RIMOC1: variants seen among roughly 807,000 people sequenced by gnomAD.
RIMOC1 encodes RAB7A interacting MON1-CCZ1 complex subunit 1.
At chr5:41,907,689 C>A in the RIMOC1 span, 2 of 1,189,270 alleles carry the variant, frequency 1.7e-6, no homozygotes, top group Non-Finnish European at 2.4e-6. Flanking sequence ...GTTTAAATAA[C>A]ACTCTGAAAC....
chr5:41,911,165 A>G, the RIMOC1 span: 1 of 1,602,656 alleles, frequency 6.2e-7, no homozygotes, highest in South Asian at 1.1e-5. Context: ...AAGAAAATCC[A>G]GTTTGCTTAA....
the RIMOC1 span, chr5:41,921,489 A>G: frequency 6.6e-6 from 1 of 151,076 alleles, no homozygotes. Context: ...GCGGTATTAC[A>G]TTAAGATACA....
At chr5:41,912,002 T>C in the RIMOC1 span, 2 of 952,202 alleles carry the variant, frequency 2.1e-6, no homozygotes, top group Non-Finnish European at 3.4e-6. Flanking sequence ...TGGAAAATAT[T>C]AGTATTTGAA....
chr5:41,911,742 C>G, the RIMOC1 span, among the ~76,000 whole-genome samples: 4 of 152,164 alleles, frequency 2.6e-5, no homozygotes, highest in African/African-American at 9.7e-5. Context: ...GTTTTTAATA[C>G]ATTGTTGTTG....
the RIMOC1 span, chr5:41,918,696 C>T: frequency 1.0e-6 from 1 of 985,452 alleles, no homozygotes; most frequent in Non-Finnish European, 1.2e-6. Context: ...GGTGGCCTCT[C>T]TCCCATTTCC....
the RIMOC1 span, chr5:41,918,738 C>T: frequency 2.8e-5 from 28 of 985,470 alleles, no homozygotes; most frequent in African/African-American, 4.5e-4. Flanking sequence ...CATTACTTTC[C>T]TTAGGCCCTC....
At chr5:41,918,364 C>G in the RIMOC1 span, 1 of 985,612 alleles carries the variant, frequency 1.0e-6, no homozygotes, top group African/African-American at 1.7e-5. Context: ...GCTCATTCCA[C>G]ATTCTTCAGT....
chr5:41,917,882 A>G, the RIMOC1 span: 1 of 799,028 alleles, frequency 1.3e-6, no homozygotes, highest in African/African-American at 1.9e-5. Flanking sequence ...TAAAATTTCT[A>G]CTTCCCTTAG....
At chr5:41,912,098 A>G in the RIMOC1 span, 1 of 1,610,860 alleles carries the variant, frequency 6.2e-7, no homozygotes, top group Non-Finnish European at 8.5e-7. Context: ...GTTACTTGCT[A>G]CAGATGCTAA....
the RIMOC1 span, chr5:41,912,084 A>T: frequency 6.2e-7 from 1 of 1,604,352 alleles, no homozygotes; most frequent in Non-Finnish European, 8.5e-7. Flanking sequence ...TCTTGATGGA[A>T]TCAGTTACTT....
At chr5:41,916,163 A>G in the RIMOC1 span, 2 of 152,676 alleles carry the variant, frequency 1.3e-5, no homozygotes, top group East Asian at 3.9e-4. Context: ...TATTTCTTTT[A>G]TGTTCTTTAG....
chr5:41,904,550 G>A, the RIMOC1 span: 5 of 1,328,390 alleles, frequency 3.8e-6, no homozygotes, highest in Admixed American at 2.0e-5. Flanking sequence ...GCTAGAGGCT[G>A]AGGCCTGTGT....
the RIMOC1 span, chr5:41,907,883 G>C: frequency 2.4e-6 from 3 of 1,257,738 alleles, no homozygotes. Context: ...TATGAGGGCA[G>C]GTTGTTTATT....
the RIMOC1 span, chr5:41,918,765 T>C: frequency 1.0e-6 from 1 of 985,074 alleles, no homozygotes; most frequent in Non-Finnish European, 1.2e-6. Flanking sequence ...TCCCCTAGCA[T>C]ATGGCTCTTT....
the RIMOC1 span, among the ~76,000 whole-genome samples, chr5:41,915,992 T>G: frequency 1.3e-5 from 2 of 152,342 alleles, no homozygotes; most frequent in East Asian, 3.9e-4. Context: ...AAAGTTGAAT[T>G]TTTCATATCC....
the RIMOC1 span, chr5:41,912,038 T>G: frequency 1.6e-6 from 2 of 1,276,398 alleles, no homozygotes; most frequent in Non-Finnish European, 2.3e-6. Flanking sequence ...CATATAATAC[T>G]TTCAATTCTT....
chr5:41,916,459 C>A, the RIMOC1 span: 1 of 966,052 alleles, frequency 1.0e-6, no homozygotes, highest in Non-Finnish European at 1.2e-6. Flanking sequence ...TAATACAAAG[C>A]ATCTTGGAAA....
At chr5:41,907,063 A>G in the RIMOC1 span, among the ~76,000 whole-genome samples, 2 of 152,146 alleles carry the variant, frequency 1.3e-5, no homozygotes, top group African/African-American at 4.8e-5. Flanking sequence ...ACATTAGAGA[A>G]AGGGAAAAAA....
chr5:41,915,469 T>C, the RIMOC1 span, among the ~76,000 whole-genome samples: 4 of 152,172 alleles, frequency 2.6e-5, no homozygotes, highest in African/African-American at 7.2e-5. Flanking sequence ...ATTTATCATA[T>C]AGCCATTTGT....
Sources: gnomAD v4.1 joint callset for allele counts (sites outside exome capture counted in the v4.1 genomes callset) on GRCh38, gnomAD v4.1.1 for gene constraint, MANE v1.5 for transcripts, NCBI Gene and HGNC (gene_info 2026-07-23, HGNC 2026-07-21) for gene names.